TTC1: variants seen among roughly 807,000 people sequenced by gnomAD.
TTC1 encodes tetratricopeptide repeat protein 1.
In TTC1, 31 loss-of-function variants were observed where a neutral mutation model predicts 37.6. The observed-to-expected ratio is 0.82, with a 90% CI of 0.62 to 1.11. TTC1 has a LOEUF of 1.11. Ranked by LOEUF, TTC1 falls within the 50% of genes most tolerant of loss-of-function variation. TTC1 has a pLI of 0.00. For missense variants in TTC1, 351 were observed against 339.0 expected, an observed-to-expected ratio of 1.04 and a Z score of -0.28; for synonymous variants, 127 against 122.4, an observed-to-expected ratio of 1.04 and a Z score of -0.25.
intron 4 of TTC1, among the ~76,000 whole-genome samples, chr5:160,039,832 T>A (rs1018465618): frequency 8.5e-5 from 13 of 152,338 alleles, no homozygotes; most frequent in African/African-American, 3.1e-4. Flanking sequence ...ATATTTGAAT[T>A]GGTATGCTGA....
intron 4 of TTC1, among the ~76,000 whole-genome samples, chr5:160,041,313 C>G (rs1232121678): frequency 7.4e-6 from 1 of 135,610 alleles, no homozygotes; most frequent in Non-Finnish European, 1.6e-5. Flanking sequence ...TGCTTTCTTT[C>G]TTTTTTTTTT....
At chr5:160,048,741 A>G (rs1286242528) in intron 5 of TTC1, among the ~76,000 whole-genome samples, 3 of 152,152 alleles carry the variant, frequency 2.0e-5, no homozygotes, top group Admixed American at 1.3e-4. Flanking sequence ...GTATCTTCAA[A>G]TTCTCTCTCA....
chr5:160,029,214 T>C, intron 2 of TTC1, among the ~76,000 whole-genome samples: 1 of 152,300 alleles, frequency 6.6e-6, no homozygotes, highest in East Asian at 1.9e-4. Context: ...TTTTGACTCA[T>C]AAGGGTTTCA....
intron 7 of TTC1, among the ~76,000 whole-genome samples, chr5:160,054,624 G>T (rs879547077): frequency 2.0e-5 from 3 of 147,864 alleles, no homozygotes; most frequent in Non-Finnish European, 3.0e-5. Context: ...AAAGAAAAAA[G>T]AAAAGAAAAA....
At chr5:160,056,979 T>C (rs1236974610) in intron 7 of TTC1, among the ~76,000 whole-genome samples, 2 of 149,828 alleles carry the variant, frequency 1.3e-5, no homozygotes, top group Non-Finnish European at 3.0e-5. Context: ...AACCCAGTCT[T>C]TTTTTTTTTC....
chr5:160,036,197 G>A (rs938672771), intron 3 of TTC1, among the ~76,000 whole-genome samples: 3 of 152,130 alleles, frequency 2.0e-5, no homozygotes, highest in Admixed American at 2.0e-4. Context: ...TCTATCAAAT[G>A]TCTCTCTTCA....
Position 160,010,569 on chromosome 5 carries a change from T to C in TTC1, c.41T>C (p.Leu14Pro). The change falls in exon 2 of 8, where the codon CTG (leucine) becomes CCG (proline). Residue 14 changes from leucine to proline, a missense_variant. Coordinates refer to ENST00000231238, the MANE Select transcript of TTC1 (RefSeq NM_003314.3). ...GAGAACTGTGGGGTTCCAGAGGATCTGTTAAATGGTTTGAAGGTTACAGAT... is the reference window on the plus strand; with the variant it reads ...GAGAACTGTGGGGTTCCAGAGGATCCGTTAAATGGTTTGAAGGTTACAGAT... The part of the protein sequence containing the change: ...KSENCGVPED[L>P]LNGLKVTDTQ... 6.2e-7 allele frequency: 1 copy of C among 1,614,134 alleles called. No individual in the cohort carries two copies. The highest frequency in any genetic ancestry group is 8.5e-7 in the Non-Finnish European group (1 of 1,180,014).
chr5:160,039,583 A>T (rs1268608529), intron 4 of TTC1, among the ~76,000 whole-genome samples: 2 of 152,176 alleles, frequency 1.3e-5, no homozygotes, highest in African/African-American at 4.8e-5. Context: ...TCTGCAATAA[A>T]ATTCCATAAT....
At chr5:160,053,142 T>G (rs1419976189) in intron 7 of TTC1, among the ~76,000 whole-genome samples, 1 of 150,754 alleles carries the variant, frequency 6.6e-6, no homozygotes, top group African/African-American at 2.5e-5. Flanking sequence ...TTGGTTCATG[T>G]TCTGTGAGAT....
chr5:160,031,671 G>C (rs545654328), intron 2 of TTC1, among the ~76,000 whole-genome samples: 3 of 151,856 alleles, frequency 2.0e-5, no homozygotes, highest in Non-Finnish European at 4.4e-5. Context: ...GGAGCCTTTC[G>C]CTTTGCTACC....
At chr5:160,058,288 C>T (rs925759757) in intron 7 of TTC1, among the ~76,000 whole-genome samples, 11 of 152,232 alleles carry the variant, frequency 7.2e-5, no homozygotes, top group African/African-American at 2.4e-4. Context: ...CAGCAACTTC[C>T]TCCACTGAAG....
chr5:160,048,798 A>G (rs1757325546), intron 5 of TTC1, among the ~76,000 whole-genome samples: 1 of 152,180 alleles, frequency 6.6e-6, no homozygotes, highest in African/African-American at 2.4e-5. Flanking sequence ...TAAAAATACA[A>G]AAATTAGCCG....
At chr5:160,009,991 C>G (rs1188733762) in intron 1 of TTC1, among the ~76,000 whole-genome samples, 1 of 152,156 alleles carries the variant, frequency 6.6e-6, no homozygotes, top group African/African-American at 2.4e-5. Context: ...GGGCTGCTTC[C>G]TTTTTCTTGG....
chr5:160,048,308 C>A (rs1030170367), intron 5 of TTC1, among the ~76,000 whole-genome samples: 1 of 151,924 alleles, frequency 6.6e-6, no homozygotes, highest in Non-Finnish European at 1.5e-5. Context: ...CACACTGCCA[C>A]GCCCAGCTAA....
intron 2 of TTC1, chr5:160,023,750 T>C: frequency 6.2e-7 from 1 of 1,612,452 alleles, no homozygotes; most frequent in Non-Finnish European, 8.5e-7. Flanking sequence ...GTGCTTCTTC[T>C]TTTTCTTCTT....
In TTC1 at chr5:160,065,223, C is replaced by A; in HGVS notation, c.*158C>A. 1 of 1,035,324 alleles carries A rather than the reference C, an allele frequency of 9.7e-7. No homozygotes were observed. Among genetic ancestry groups the A allele is most frequent in the Admixed American group, 2.0e-5 (1 of 49,844 alleles). 64.1% of individuals were successfully genotyped at this position (1,035,324 alleles called of 1,614,324 possible). ...TGCTCCCTTGTCCCTCTTTTATGAT[C>A]AGGGTGAAATGTACTTCCTGATGTA... On this transcript the variant is annotated 3_prime_UTR_variant, in exon 8 of 8. Transcript: ENST00000231238.
intron 5 of TTC1, among the ~76,000 whole-genome samples, 175 bp downstream of exon 5, chr5:160,043,344 A>T (rs144732605): frequency 6.6e-6 from 1 of 152,336 alleles, no homozygotes; most frequent in Non-Finnish European, 1.5e-5. Context: ...TTTTGAATGG[A>T]TAGTTCAATC....
intron 2 of TTC1, among the ~76,000 whole-genome samples, chr5:160,011,471 A>G (rs181375550): frequency 6.6e-5 from 10 of 152,354 alleles, no homozygotes; most frequent in Admixed American, 6.5e-4. Flanking sequence ...TATTTCCCAT[A>G]AGGAAACAGC....
At chr5:160,032,477 A>T (rs1487363493) in intron 2 of TTC1, among the ~76,000 whole-genome samples, 1 of 152,130 alleles carries the variant, frequency 6.6e-6, no homozygotes, top group Non-Finnish European at 1.5e-5. Context: ...GTTGAGTGGC[A>T]GTACCCCATG....
Sources: allele counts gnomAD v4.1 joint callset (sites outside exome capture counted in the v4.1 genomes callset), GRCh38; gene constraint gnomAD v4.1.1; transcripts MANE v1.5; gene names NCBI Gene and HGNC (gene_info 2026-07-23, HGNC 2026-07-21).